NEBL: variants seen among roughly 807,000 people sequenced by gnomAD.
The protein encoded by NEBL is nebulette, also known as LIM and SH3 protein 2.
In NEBL, 122 loss-of-function variants were observed where a neutral mutation model predicts 140.2. The observed-to-expected ratio is 0.87, with a 90% CI of 0.75 to 1.01. NEBL has a LOEUF of 1.01. NEBL is among the 50% of genes least tolerant of loss of function. NEBL has a pLI of 0.00. For missense variants in NEBL, 1,365 were observed against 1,231.3 expected (o/e 1.11, Z -1.62); for synonymous variants, 436 against 398.9 (o/e 1.09, Z -1.11).
At chr10:21,290,732 G>A (rs1843131121) in intron 1 of NEBL, among the ~76,000 whole-genome samples, 1 of 152,016 alleles carries the variant, frequency 6.6e-6, no homozygotes, top group African/African-American at 2.4e-5. Flanking sequence ...TTTGTCCCAG[G>A]CCATTGTCTA....
chr10:21,193,729 G>C (rs1841610375), intron 3 of NEBL, among the ~76,000 whole-genome samples: 1 of 152,136 alleles, frequency 6.6e-6, no homozygotes, highest in Non-Finnish European at 1.5e-5. Context: ...TATTTTCCTT[G>C]CATTGTGCCC....
In NEBL at chr10:20,817,320, T is replaced by C. The variant is rs112099773; in HGVS notation, c.2148+280A>G. On this transcript the variant is annotated intron_variant, in intron 21 of 27. Transcript: ENST00000377122. ...AGGCAAAGGTTGCAGTGAGTCAAGATTGTGCCACTGCATTCCAGTCTGGGT... is the reference window on the plus strand; with the variant it reads ...AGGCAAAGGTTGCAGTGAGTCAAGACTGTGCCACTGCATTCCAGTCTGGGT... 0.02 allele frequency among the ~76,000 whole-genome samples: 3,080 copies of C among 152,176 alleles called. 92 individuals are homozygous for C. The highest frequency in any genetic ancestry group is 0.069 in the African/African-American group (2,859 of 41,502).
intron 2 of NEBL, among the ~76,000 whole-genome samples, chr10:21,080,822 G>A (rs1402997421): frequency 1.3e-5 from 2 of 152,036 alleles, no homozygotes; most frequent in African/African-American, 2.4e-5. Context: ...TCTGGTAGGT[G>A]TCATTTTTAA....
chr10:20,987,115 C>A (rs1837285568), intron 3 of NEBL, among the ~76,000 whole-genome samples: 1 of 151,896 alleles, frequency 6.6e-6, no homozygotes, highest in Non-Finnish European at 1.5e-5. Flanking sequence ...AGCTATTATA[C>A]CATGTTGCTA....
At chr10:21,161,155 A>G (rs1402696775) in intron 2 of NEBL, among the ~76,000 whole-genome samples, 1 of 152,194 alleles carries the variant, frequency 6.6e-6, no homozygotes, top group Non-Finnish European at 1.5e-5. Flanking sequence ...AGATCCTTAT[A>G]GAAAGATATG....
intron 3 of NEBL, among the ~76,000 whole-genome samples, chr10:21,196,953 T>G (rs1316811081): frequency 1.3e-5 from 2 of 152,242 alleles, no homozygotes; most frequent in Admixed American, 6.5e-5. Context: ...GCATTTTTCA[T>G]GAAGTGCGAA....
intron 2 of NEBL, among the ~76,000 whole-genome samples, chr10:21,167,231 T>G (rs45586831): frequency 8.0e-4 from 122 of 152,322 alleles, no homozygotes; most frequent in Admixed American, 7.2e-4. Context: ...GTTTTATTTT[T>G]TAAAGTCTTC....
At chr10:21,155,761 G>A (rs1840314341) in intron 2 of NEBL, among the ~76,000 whole-genome samples, 1 of 152,188 alleles carries the variant, frequency 6.6e-6, no homozygotes, top group African/African-American at 2.4e-5. Context: ...AAAACTGACT[G>A]GGCAAGGGAG....
rs1317862309 is a variant in NEBL, at chr10:21,007,209, C to G, written c.249+12908G>C. On this transcript the variant is annotated intron_variant, in intron 3 of 6. Transcript: ENST00000417816. ...GTCAGGTCTTTCCTCCATTCACCCT[C>G]TCTCCCCACAGCCGCTGGTCTCTCG... Among the ~76,000 whole-genome samples, 4 of 152,178 alleles carry G rather than the reference C, an allele frequency of 2.6e-5. 1 individual carries two copies. The highest frequency in any genetic ancestry group is 4.8e-5 in the African/African-American group (2 of 41,434).
intron 1 of NEBL, among the ~76,000 whole-genome samples, chr10:21,277,809 AT>A (rs1226650379): frequency 1.3e-5 from 2 of 150,104 alleles, no homozygotes; most frequent in African/African-American, 4.9e-5. Context: ...TATGAAAGTC[AT>A]TTTTTTCTTT....
Position 21,239,877 on chromosome 10 carries a change from A to G in NEBL, n.348+8044T>C, listed in dbSNP as rs528730696. Among the ~76,000 whole-genome samples the G allele has an allele frequency of 1.3e-3, 192 of 152,108 alleles. 2 individuals carry two copies. The highest frequency in any genetic ancestry group is 0.011 in the East Asian group (59 of 5,142). On this transcript the variant is annotated intron_variant and non_coding_transcript_variant, in intron 3 of 8. Transcript: ENST00000675702. ...TAAAAATACAAAAAATTAGCCGGGC[A>G]TCGTGGCGGTCACCTGTAGTCCCAG...
chr10:20,905,082 A>G (rs1285647610), intron 4 of NEBL, among the ~76,000 whole-genome samples: 2 of 152,248 alleles, frequency 1.3e-5, no homozygotes, highest in Non-Finnish European at 2.9e-5. Context: ...AAGTTTTTAC[A>G]TTCAAGGAAA....
chr10:20,990,638 C>T (rs1433042357), intron 3 of NEBL, among the ~76,000 whole-genome samples: 2 of 152,188 alleles, frequency 1.3e-5, no homozygotes, highest in African/African-American at 2.4e-5. Context: ...AACTAAGACA[C>T]TTACCTCCAG....
intron 2 of NEBL, among the ~76,000 whole-genome samples, chr10:21,071,718 C>T (rs74603047): frequency 0.036 from 5,497 of 152,238 alleles, 301 homozygotes; most frequent in African/African-American, 0.12. Flanking sequence ...AAAGAATTAC[C>T]ATAAATTTGG....
At chr10:20,889,174 ATCTCT>A (rs1351122376) in intron 3 of NEBL, among the ~76,000 whole-genome samples, 2 of 152,236 alleles carry the variant, frequency 1.3e-5, no homozygotes, top group African/African-American at 2.4e-5. Context: ...TTTCAAACGT[ATCTCT>A]TCTAAGTGAT....
At chr10:21,034,338 A>G (rs994569597) in intron 2 of NEBL, among the ~76,000 whole-genome samples, 1 of 152,066 alleles carries the variant, frequency 6.6e-6, no homozygotes, top group African/African-American at 2.4e-5. Flanking sequence ...TAACAAGAAC[A>G]ACCACTACCA....
At chr10:20,790,926 G>T (rs1472715475) in intron 26 of NEBL, among the ~76,000 whole-genome samples, 1 of 152,102 alleles carries the variant, frequency 6.6e-6, no homozygotes, top group Non-Finnish European at 1.5e-5. Flanking sequence ...AACAAACAAG[G>T]GCTTTTCAAT....
At chr10:21,224,988 C>T (rs1353875718) in intron 3 of NEBL, among the ~76,000 whole-genome samples, 1 of 151,372 alleles carries the variant, frequency 6.6e-6, no homozygotes, top group East Asian at 1.9e-4. Flanking sequence ...TTTGCTGCCC[C>T]TTTTTTTTTC....
intron 4 of NEBL, among the ~76,000 whole-genome samples, chr10:20,924,847 C>T (rs927712563): frequency 3.2e-4 from 49 of 152,032 alleles, no homozygotes; most frequent in African/African-American, 9.9e-4. Flanking sequence ...ATCCGGCTGG[C>T]GCTATAAAAC....
Sources: allele counts gnomAD v4.1 joint callset (sites outside exome capture counted in the v4.1 genomes callset), GRCh38; gene constraint gnomAD v4.1.1; transcripts MANE v1.5; gene names NCBI Gene and HGNC (gene_info 2026-07-23, HGNC 2026-07-21).